Variants in RAVER2 observed in about 807,000 individuals in gnomAD.
RAVER2 encodes ribonucleoprotein PTB-binding 2.
RAVER2 carries 46 observed loss-of-function variants against 78.1 expected under a neutral mutation model. That is an observed-to-expected ratio of 0.59 (90% CI 0.46 to 0.75). The LOEUF is 0.75. Ranked by LOEUF, RAVER2 falls within the 30% of genes least tolerant of loss-of-function variation. RAVER2 has a pLI of 0.00. For missense variants in RAVER2, 793 were observed against 837.5 expected (o/e 0.95, Z 0.66); for synonymous variants, 311 against 313.3 (o/e 0.99, Z 0.08).
intron 9 of RAVER2, among the ~76,000 whole-genome samples, chr1:64,811,898 T>C (rs1653618232): frequency 6.6e-6 from 1 of 152,244 alleles, no homozygotes; most frequent in Non-Finnish European, 1.5e-5. Context: ...TATACTGATA[T>C]ACATTTTCAA....
intron 11 of RAVER2, among the ~76,000 whole-genome samples, chr1:64,827,678 C>T (rs116530501): frequency 1.8e-3 from 270 of 152,230 alleles, no homozygotes; most frequent in African/African-American, 6.2e-3. Flanking sequence ...CTAAATATAC[C>T]ACTTTGTTCT....
At chr1:64,824,932 C>CAAAAAAAAAAAAAAAAAAAAAAAAAAA (rs56179197) in intron 11 of RAVER2, among the ~76,000 whole-genome samples, 9 of 79,392 alleles carry the variant, frequency 1.1e-4, no homozygotes, top group Admixed American at 4.3e-4. Context: ...CCCTGTCTCC[C>CAAAAAAAAAAAAAAAAAAAAAAAAAAA]AAAAAAAAAA....
chr1:64,767,049 A>G (rs1291153760), intron 1 of RAVER2, among the ~76,000 whole-genome samples: 1 of 152,128 alleles, frequency 6.6e-6, no homozygotes, highest in East Asian at 1.9e-4. Flanking sequence ...AAAAATTTCT[A>G]ATACTGGTTG....
intron 11 of RAVER2, among the ~76,000 whole-genome samples, chr1:64,818,477 A>G (rs1406127998): frequency 6.6e-6 from 1 of 152,156 alleles, no homozygotes; most frequent in Non-Finnish European, 1.5e-5. Context: ...CGGAGGTTGC[A>G]GTGAGCCGAG....
intron 1 of RAVER2, among the ~76,000 whole-genome samples, chr1:64,749,250 G>T (rs1201510821): frequency 3.9e-5 from 6 of 152,016 alleles, no homozygotes; most frequent in African/African-American, 7.2e-5. Flanking sequence ...TCACTCTGTC[G>T]CCCAGGCTGC....
chr1:64,812,854 G>T lies in RAVER2; in HGVS notation c.1792+5G>T. ...TGCCCAGTGTGTGCTTATCATGTAA[G>T]TAGGGGCTCAGTATTCTTGTTGTGG... On this transcript the variant is annotated splice_donor_5th_base_variant and intron_variant, in intron 10 of 11. Coordinates refer to ENST00000294428, the Ensembl canonical transcript of RAVER2. 6.4e-7 allele frequency: 1 copy of T among 1,564,648 alleles called. No individual in the cohort carries two copies. The highest frequency in any genetic ancestry group is 8.7e-7 in the Non-Finnish European group (1 of 1,147,522).
At chr1:64,814,954 CACTGATCTATGTATTTCTT>C (rs1344521863) in intron 11 of RAVER2, 114 bp downstream of exon 11, 2 of 915,294 alleles carry the variant, frequency 2.2e-6, no homozygotes, top group African/African-American at 3.4e-5. Context: ...AATCAAATTG[CACTGATCTATGTATTTCTT>C]ACTCATCATT....
At chr1:64,799,828 G>T (rs909248130) in intron 5 of RAVER2, among the ~76,000 whole-genome samples, 1 of 152,020 alleles carries the variant, frequency 6.6e-6, no homozygotes, top group South Asian at 2.1e-4. Context: ...AGAAACCATC[G>T]TACTGTTTTC....
At chr1:64,811,066 AAG>A (rs1176230503) in intron 9 of RAVER2, among the ~76,000 whole-genome samples, 1 of 152,224 alleles carries the variant, frequency 6.6e-6, no homozygotes, top group Non-Finnish European at 1.5e-5. Context: ...TATTATTAAA[AAG>A]TTAAAATTTA....
exon 12 of RAVER2, chr1:64,831,035 T>C (rs756422329): frequency 5.8e-6 from 9 of 1,541,810 alleles, no homozygotes; most frequent in South Asian, 1.2e-5. Context: ...GTATCTCTGC[T>C]GTTCATCGCT....
exon 12 of RAVER2, chr1:64,831,717 G>A (rs552933936): frequency 1.3e-5 from 2 of 152,336 alleles, no homozygotes; most frequent in Admixed American, 6.5e-5. Context: ...ACCCGCTTTT[G>A]TGCTGCCTGC....
chr1:64,829,897 C>G (rs958458903), intron 11 of RAVER2, among the ~76,000 whole-genome samples: 5 of 152,076 alleles, frequency 3.3e-5, no homozygotes, highest in African/African-American at 9.7e-5. Flanking sequence ...CTTGTCATCC[C>G]TCTAACATGG....
At chr1:64,788,791 CAAAAAAA>C (rs35159558) in intron 4 of RAVER2, among the ~76,000 whole-genome samples, 1 of 109,904 alleles carries the variant, frequency 9.1e-6, no homozygotes, top group Non-Finnish European at 2.0e-5. Context: ...GACTCCGTCT[CAAAAAAA>C]AAAAAAAAAG....
chr1:64,781,905 CT>C (rs1252929365), intron 4 of RAVER2, among the ~76,000 whole-genome samples: 2 of 150,910 alleles, frequency 1.3e-5, no homozygotes, highest in Non-Finnish European at 1.5e-5. Context: ...TTTTTCTTTT[CT>C]TTTTTTTTAA....
chr1:64,767,080 A>G (rs1652193749), intron 1 of RAVER2, among the ~76,000 whole-genome samples: 2 of 152,254 alleles, frequency 1.3e-5, no homozygotes, highest in South Asian at 4.1e-4. Flanking sequence ...ATACTAAATT[A>G]TCAACTTTAT....
intron 1 of RAVER2, among the ~76,000 whole-genome samples, chr1:64,751,865 A>T (rs1651707634): frequency 6.6e-6 from 1 of 152,202 alleles, no homozygotes; most frequent in Non-Finnish European, 1.5e-5. Flanking sequence ...TGTAAATAAA[A>T]TTATTTATAT....
intron 1 of RAVER2, among the ~76,000 whole-genome samples, chr1:64,749,031 C>G (rs10889498): frequency 0.096 from 14,571 of 151,198 alleles, 1,022 homozygotes; most frequent in East Asian, 0.28. Flanking sequence ...GTAGAGACAT[C>G]GTATCTCTAT....
At chr1:64,832,713 A>AGTT (rs1654188912) in exon 12 of RAVER2, 2 of 152,202 alleles carry the variant, frequency 1.3e-5, no homozygotes, top group South Asian at 4.1e-4. Context: ...ACAGCTAGAA[A>AGTT]GTTTAAGGTA....
exon 12 of RAVER2, chr1:64,832,631 GTTGTATGCT>G (rs1355753399): frequency 6.6e-6 from 1 of 152,130 alleles, no homozygotes; most frequent in Non-Finnish European, 1.5e-5. Context: ...TGGTACATAT[GTTGTATGCT>G]TTGTAAAGAA....
Sources: allele counts gnomAD v4.1 joint callset (sites outside exome capture counted in the v4.1 genomes callset), GRCh38; gene constraint gnomAD v4.1.1; transcripts MANE v1.5; gene names NCBI Gene and HGNC (gene_info 2026-07-23, HGNC 2026-07-21).